Variants in C8B observed in about 807,000 individuals in gnomAD.
C8B encodes the protein complement component C8 beta chain.
Under a neutral mutation model 64.6 loss-of-function variants are expected in C8B, and 67 were observed. The observed-to-expected ratio is 1.04, with a 90% CI of 0.85 to 1.27. The LOEUF is 1.27. C8B is among the 50% of genes most tolerant of loss of function. C8B has a pLI of 0.00. For missense variants in C8B, 790 were observed against 725.2 expected (o/e 1.09, Z -1.03); for synonymous variants, 284 against 257.7 (o/e 1.10, Z -0.98).
Position 56,929,418 on chromosome 1 carries a change from G to A in C8B, c.1762C>T (p.Leu588Phe). The change falls in exon 12 of 12, where the codon CTT (leucine) becomes TTT (phenylalanine). Residue 588 changes from leucine to phenylalanine, a missense_variant. Leu to Phe is a conservative substitution (Grantham distance 22). Coordinates refer to ENST00000371237, the MANE Select transcript of C8B (RefSeq NM_000066.4). ...SPCSGPASET[L>F]DCS is the part of the protein sequence containing the mutation. ...TGTATCATCTGCTAGGAGCAGTCAAGTGTTTCTGAAGCAGGGCCTGAACAG... is the reference window on the plus strand; with the variant it reads ...TGTATCATCTGCTAGGAGCAGTCAAATGTTTCTGAAGCAGGGCCTGAACAG... 1 of 1,612,246 alleles carries A rather than the reference G, an allele frequency of 6.2e-7. No individual in the cohort carries two copies. The highest frequency in any genetic ancestry group is 8.5e-7 in the Non-Finnish European group (1 of 1,179,914).
intron 1 of C8B, among the ~76,000 whole-genome samples, chr1:56,963,180 T>C (rs892134533): frequency 6.6e-6 from 1 of 152,154 alleles, no homozygotes; most frequent in Non-Finnish European, 1.5e-5. Context: ...CACATTTAAC[T>C]GGGCCCAGGT....
intron 4 of C8B, among the ~76,000 whole-genome samples, chr1:56,953,887 G>A (rs891063349): frequency 3.3e-5 from 5 of 152,152 alleles, no homozygotes; most frequent in African/African-American, 1.2e-4. Flanking sequence ...TGCAAGGTGG[G>A]AATTATAATA....
In C8B at chr1:56,940,880, A is replaced by G; in HGVS notation, c.1367T>C (p.Val456Ala). 1.2e-6 allele frequency: 2 copies of G among 1,614,036 alleles called. No homozygotes were observed. The highest frequency in any genetic ancestry group is 1.7e-5 in the Admixed American group (1 of 60,014). ...TTTGATGATGGCTGGGTTGTACTGC[A>G]CAGCGTCTCCCCACTCCTGCATCAG... ...ADLMQEWGDA[V>A]QYNPAIIKVK... The change falls in exon 9 of 12, where the codon GTG becomes GCG. Residue 456 changes from valine to alanine, a missense_variant. Physicochemically the swap from Val to Ala is moderately conservative, Grantham distance 64 (BLOSUM62 0). Transcript: ENST00000371237.
At chr1:56,939,691 A>C (rs1199529322) in intron 9 of C8B, among the ~76,000 whole-genome samples, 1 of 152,142 alleles carries the variant, frequency 6.6e-6, no homozygotes, top group Non-Finnish European at 1.5e-5. Flanking sequence ...AAACTCCTCT[A>C]GTTTGGGTGA....
rs1411363111 is a variant in C8B, at chr1:56,943,754, G to A, written c.1176C>T (p.Val392=). 6.2e-7 allele frequency: 1 copy of A among 1,614,042 alleles called. No individual in the cohort carries two copies. Among genetic ancestry groups the A allele is most frequent in the Non-Finnish European group, 8.5e-7 (1 of 1,179,938 alleles). ...CTACAGACACACCCAGACTGACGTA[G>A]ACCTCTTCAATGGCACCACCAATTT... ...DFKIGGAIEE[V]YVSLGVSVGK... is the part of the protein sequence containing the mutation. The change falls in exon 8 of 12, where the codon GTC becomes GTT. Residue 392 remains valine (V), a synonymous_variant. Coordinates refer to ENST00000371237, the MANE Select transcript of C8B (RefSeq NM_000066.4).
At chr1:56,965,704 G>A (rs1230194545) in intron 1 of C8B, among the ~76,000 whole-genome samples, 153 bp downstream of exon 1, 1 of 152,124 alleles carries the variant, frequency 6.6e-6, no homozygotes, top group Non-Finnish European at 1.5e-5. Context: ...AATTTGAAAA[G>A]AGTTGTTGAT....
chr1:56,946,073 A>C lies in C8B; in HGVS notation c.865-12T>G, dbSNP rs200297171. ...AGAAATACGCTTTTCTAAATGAAAT[A>C]CCAACATGGGAAAACCAGACCTTTA... is the stretch of plus-strand genomic sequence containing the variant. On this transcript the variant is annotated splice_polypyrimidine_tract_variant and intron_variant, in intron 6 of 11. Coordinates refer to ENST00000371237, the MANE Select transcript of C8B (RefSeq NM_000066.4). 44 of 1,613,864 alleles carry C rather than the reference A, an allele frequency of 2.7e-5. No individual in the cohort carries two copies. The highest frequency in any genetic ancestry group is 3.6e-5 in the Non-Finnish European group (42 of 1,179,998).
In C8B at chr1:56,934,164, C is replaced by CTT. The variant is rs60467453; in HGVS notation, c.1399-678_1399-677dup. On this transcript the variant is annotated intron_variant, in intron 9 of 11. Coordinates refer to ENST00000371237, the MANE Select transcript of C8B (RefSeq NM_000066.4). Reference sequence around the variant, plus strand: ...TCTTTTTTTTTTTATGTGCAGGGTCCTTTTTTTTTTTCTTTTCTGATTAGA... The same window carrying CTT: ...TCTTTTTTTTTTTATGTGCAGGGTCCTTTTTTTTTTTTTCTTTTCTGATTAGA... Among the ~76,000 whole-genome samples, 626 of 143,312 alleles carry CTT rather than the reference C, an allele frequency of 4.4e-3. 6 individuals are homozygous for CTT. Among genetic ancestry groups the CTT allele is most frequent in the African/African-American group, 0.014 (529 of 38,538 alleles). 94.0% of individuals were successfully genotyped at this position (143,312 alleles called of 152,430 possible).
chr1:56,933,401 A>G lies in C8B; in HGVS notation c.1486T>C (p.Phe496Leu), dbSNP rs1450539491. The G allele has an allele frequency of 3.7e-6, 6 of 1,613,180 alleles. No homozygotes were observed. Among genetic ancestry groups the G allele is most frequent in the East Asian group, 2.2e-5 (1 of 44,854 alleles). ...TGGCAGGAACTAACTTCCTTCTGGA[A>G]CTCCTCCAGTGCCTGCTTCATGTTC... ...RQNMKQALEE[F>L]QKEVSSCHCA... Residue 496 changes from phenylalanine (F) to leucine (L), a missense_variant, in exon 10 of 12, where the codon TTC (phenylalanine) becomes CTC (leucine). Phe to Leu is a conservative substitution (Grantham distance 22, BLOSUM62 0). Transcript: ENST00000371237.
intron 3 of C8B, among the ~76,000 whole-genome samples, chr1:56,956,201 G>A (rs779065292): frequency 3.3e-5 from 5 of 152,120 alleles, no homozygotes; most frequent in East Asian, 3.9e-4. Context: ...CTATGTAACC[G>A]TTCTAGGTTT....
intron 8 of C8B, among the ~76,000 whole-genome samples, chr1:56,941,521 GATAGATAGATAGATAGA>G (rs1644859005): frequency 7.7e-5 from 10 of 130,068 alleles, no homozygotes; most frequent in African/African-American, 3.4e-4. Flanking sequence ...TAGATAGATA[GATAGATAGATAGATAGA>G]TAGATAGATA....
At chr1:56,951,102 A>G (rs1645014596) in intron 5 of C8B, among the ~76,000 whole-genome samples, 1 of 152,200 alleles carries the variant, frequency 6.6e-6, no homozygotes, top group Non-Finnish European at 1.5e-5. Flanking sequence ...TTTTAAAGAC[A>G]GGATCTTGCT....
chr1:56,936,459 G>A (rs1345691656), intron 9 of C8B, among the ~76,000 whole-genome samples: 3 of 145,424 alleles, frequency 2.1e-5, no homozygotes, highest in Non-Finnish European at 4.5e-5. Flanking sequence ...CCTTTGAGAT[G>A]TTTCTTTCTT....
Position 56,945,878 on chromosome 1 carries a change from G to A in C8B, c.1048C>T (p.Leu350Phe), listed in dbSNP as rs749552710. Reference sequence around the variant, plus strand: ...AGGGTGTATTCATAAATGCCCCCAAGCACAGCCTCTGTGATGTAGTGGGTC... The same window carrying A: ...AGGGTGTATTCATAAATGCCCCCAAACACAGCCTCTGTGATGTAGTGGGTC... ...FGTHYITEAV[L>F]GGIYEYTLVM... The change falls in exon 7 of 12, where the codon CTT becomes TTT. Residue 350 changes from leucine to phenylalanine, a missense_variant. Physicochemically the swap from Leu to Phe is conservative, Grantham distance 22. Transcript: ENST00000371237. 3 of 1,613,974 alleles carry A rather than the reference G, an allele frequency of 1.9e-6. No homozygotes were observed. Among genetic ancestry groups the A allele is most frequent in the Admixed American group, 3.3e-5 (2 of 59,992 alleles).
At position 56,952,198 on chromosome 1, in the gene C8B, A is replaced by G; in HGVS notation, c.534-18T>C. On this transcript the variant is annotated intron_variant, in intron 4 of 11. Coordinates refer to ENST00000371237, the MANE Select transcript of C8B (RefSeq NM_000066.4). The stretch of plus-strand genomic sequence containing the variant: ...AATTTATCCTGTGAGGAAGAGACAG[A>G]GATGGCGAAGAGGTTAAAGTTTGCG... 5 of 1,613,932 alleles carry G rather than the reference A, an allele frequency of 3.1e-6. No homozygotes were observed. The highest frequency in any genetic ancestry group is 4.2e-6 in the Non-Finnish European group (5 of 1,179,986).
At chr1:56,947,225 C>A (rs1468469132) in intron 6 of C8B, among the ~76,000 whole-genome samples, 1 of 152,154 alleles carries the variant, frequency 6.6e-6, no homozygotes. Flanking sequence ...TTGCTGTTGT[C>A]TTCAGAATAA....
intron 10 of C8B, among the ~76,000 whole-genome samples, chr1:56,932,671 G>A (rs192613997): frequency 7.9e-5 from 12 of 152,292 alleles, no homozygotes; most frequent in Admixed American, 3.3e-4. Context: ...AGGAGCCAGA[G>A]ACATATTCCT....
intron 8 of C8B, among the ~76,000 whole-genome samples, chr1:56,942,318 T>G (rs1644874939): frequency 6.6e-6 from 1 of 152,218 alleles, no homozygotes; most frequent in African/African-American, 2.4e-5. Context: ...GCAATTATTA[T>G]TTTGACTTAC....
intron 7 of C8B, among the ~76,000 whole-genome samples, chr1:56,944,755 T>C (rs751291189): frequency 3.3e-4 from 50 of 152,228 alleles, no homozygotes; most frequent in Non-Finnish European, 6.8e-4. Flanking sequence ...AAGGTACCTC[T>C]GATTTTGACA....
Sources: gnomAD v4.1 joint callset for allele counts (sites outside exome capture counted in the v4.1 genomes callset) on GRCh38, gnomAD v4.1.1 for gene constraint, MANE v1.5 for transcripts, NCBI Gene and HGNC (gene_info 2026-07-23, HGNC 2026-07-21) for gene names.